Variants in DNAH9 observed in about 807,000 individuals in gnomAD.
The protein encoded by DNAH9 is DNAH9 variant protein.
Under a neutral mutation model 471.6 loss-of-function variants are expected in DNAH9, and 345 were observed. The ratio of observed to expected loss-of-function variants is 0.73; its 90% CI spans 0.67 to 0.80. The LOEUF (loss-of-function observed/expected upper bound fraction) is 0.80. Ranked by LOEUF, DNAH9 falls within the 30% of genes least tolerant of loss-of-function variation. The pLI is 0.00. For synonymous variants in DNAH9, 2,093 were observed against 2,123.6 expected (o/e 0.99, Z 0.40); for missense variants, 5,407 against 5,609.2 (o/e 0.96, Z 1.15).
intron 1 of DNAH9, 67 bp downstream of exon 1, chr17:11,598,982 GACGGAGGCGGGGCCAGA>G: frequency 1.9e-6 from 2 of 1,056,018 alleles, no homozygotes; most frequent in Non-Finnish European, 2.5e-6. Context: ...AGCCTTAAGG[GACGGAGGCGGGGCCAGA>G]GGGGGCGGGG....
intron 57 of DNAH9, among the ~76,000 whole-genome samples, chr17:11,889,808 C>A (rs1972994170): frequency 2.0e-5 from 3 of 152,048 alleles, no homozygotes; most frequent in African/African-American, 7.2e-5. Flanking sequence ...TGGATAAGGG[C>A]CCTACAAAAA....
chr17:11,678,960 C>T (rs1012302816), intron 17 of DNAH9, among the ~76,000 whole-genome samples: 1 of 152,062 alleles, frequency 6.6e-6, no homozygotes, highest in Non-Finnish European at 1.5e-5. Flanking sequence ...AACTGCTCCA[C>T]GTATATCATA....
At chr17:11,818,493 A>G (rs11868210) in intron 45 of DNAH9, among the ~76,000 whole-genome samples, 7,512 of 152,128 alleles carry the variant, frequency 0.049, 627 homozygotes, top group African/African-American at 0.17. Flanking sequence ...TTCTTTCATC[A>G]CTAACATTCC....
chr17:11,718,186 A>T (rs943951843), intron 26 of DNAH9, among the ~76,000 whole-genome samples: 2 of 152,314 alleles, frequency 1.3e-5, no homozygotes, highest in South Asian at 4.1e-4. Context: ...CTGACAACAT[A>T]CAAACTCCCG....
intron 61 of DNAH9, among the ~76,000 whole-genome samples, chr17:11,922,962 A>C (rs1974181099): frequency 6.6e-6 from 1 of 152,232 alleles, no homozygotes; most frequent in Non-Finnish European, 1.5e-5. Flanking sequence ...CAGATAAGAC[A>C]CATAAAGAAT....
rs1468430357 is a variant in DNAH9 at position 11,606,448 on chromosome 17, CTTTTCTTTTTTTTT to C, written c.418-1676_418-1663del. ...AACTTTCTTTCTTTTCTTTTCTTTT[CTTTTCTTTTTTTTT>C]TTTTTGAGACAGAGTCTTGCTCTGT... On this transcript the variant is annotated intron_variant, in intron 1 of 68. Transcript: ENST00000262442. Among the ~76,000 whole-genome samples the C allele has an allele frequency of 9.3e-5, 9 of 97,040 alleles. 1 individual carries two copies. Among genetic ancestry groups the C allele is most frequent in the African/African-American group, 4.0e-4 (9 of 22,702 alleles). The allele number at this position is 97,040 out of a possible 152,430, so 63.7% of individuals were successfully genotyped here.
chr17:11,817,891 A>T (rs536695154), intron 45 of DNAH9, among the ~76,000 whole-genome samples: 109 of 151,904 alleles, frequency 7.2e-4, no homozygotes, highest in Non-Finnish European at 1.4e-3. Context: ...TCATTTTTTT[A>T]TTTCAACCTT....
At position 11,768,657 on chromosome 17, in the gene DNAH9, G is replaced by C. The variant is rs764679224; in HGVS notation, c.7344+31G>C. 7 of 1,603,070 alleles carry C rather than the reference G, an allele frequency of 4.4e-6. No homozygotes were observed. The East Asian group carries it at 1.6e-4, about 36-fold the overall frequency. ...TGCAGCTGAGCAGCCGAGGACGTGC[G>C]TGCAGTTGCCCTCAAGGATCTGCAG... On this transcript the variant is annotated intron_variant, in intron 37 of 68. Coordinates refer to ENST00000262442, the MANE Select transcript of DNAH9 (RefSeq NM_001372.4).
intron 28 of DNAH9, among the ~76,000 whole-genome samples, chr17:11,737,922 C>T (rs1485728387): frequency 6.6e-6 from 1 of 152,170 alleles, no homozygotes; most frequent in Non-Finnish European, 1.5e-5. Context: ...ATGGGTATCC[C>T]TCATGTTAGC....
At chr17:11,659,340 A>G (rs1490273922) in intron 14 of DNAH9, among the ~76,000 whole-genome samples, 1 of 152,186 alleles carries the variant, frequency 6.6e-6, no homozygotes, top group East Asian at 1.9e-4. Context: ...TGCTTGTCTG[A>G]CATAATGTAA....
chr17:11,934,095 G>C (rs1217763114), intron 65 of DNAH9, 24 bp downstream of exon 65: 7 of 1,601,894 alleles, frequency 4.4e-6, no homozygotes, highest in Admixed American at 1.7e-5. Flanking sequence ...CTGTGCTTCT[G>C]ATGTCGTGAG....
chr17:11,834,956 C>T lies in DNAH9; in HGVS notation c.9507+58C>T, dbSNP rs553893526. On this transcript the variant is annotated intron_variant, in intron 49 of 68. Transcript: ENST00000262442. ...CTCAGGGGCTGGTAGACGCAGAGAC[C>T]ACCTTGGCATTCCCAAGAGATGCAA... 15 of 1,571,264 alleles carry T rather than the reference C, an allele frequency of 9.5e-6. No homozygotes were observed. The Admixed American group carries it at 2.1e-4, about 22-fold the overall frequency.
chr17:11,704,058 T>G, intron 24 of DNAH9, 145 bp from the exon 25 acceptor site: 3 of 907,150 alleles, frequency 3.3e-6, no homozygotes, highest in Admixed American at 2.1e-5. Context: ...GAGCATATGG[T>G]TCACTTAGTC....
At chr17:11,676,676 GTTTTA>G (rs2150736868) in intron 17 of DNAH9, among the ~76,000 whole-genome samples, 2 of 151,904 alleles carry the variant, frequency 1.3e-5, no homozygotes, top group South Asian at 4.2e-4. Flanking sequence ...ATTTATTATG[GTTTTA>G]TTTTTATTTC....
At chr17:11,639,410 A>T (rs1487293728) in intron 9 of DNAH9, among the ~76,000 whole-genome samples, 2 of 152,256 alleles carry the variant, frequency 1.3e-5, no homozygotes, top group Non-Finnish European at 1.5e-5. Flanking sequence ...TTCTTTAAAA[A>T]GCGAAACCTC....
intron 61 of DNAH9, among the ~76,000 whole-genome samples, chr17:11,923,575 T>A (rs1161905302): frequency 6.6e-6 from 1 of 152,174 alleles, no homozygotes; most frequent in Non-Finnish European, 1.5e-5. Context: ...CCTCCCAAAG[T>A]GCTGGGATTA....
intron 68 of DNAH9, among the ~76,000 whole-genome samples, chr17:11,967,813 CAA>C (rs964509511): frequency 4.6e-5 from 7 of 151,698 alleles, no homozygotes; most frequent in African/African-American, 1.7e-4. Context: ...CTGTATCAGA[CAA>C]AATAGACTTT....
chr17:11,769,092 C>T lies in DNAH9; in HGVS notation c.7345-30C>T, dbSNP rs531270609. 2.5e-6 allele frequency: 4 copies of T among 1,611,824 alleles called. No homozygotes were observed. In the African/African-American group the frequency reaches 5.3e-5, roughly 21 times the overall value. On this transcript the variant is annotated intron_variant, in intron 37 of 68. Transcript: ENST00000262442. ...CATCTGTTTCTCCCTAGAGCCCACC[C>T]TTGGCAGGCTTATTGTGCTCCCATT...
intron 61 of DNAH9, among the ~76,000 whole-genome samples, chr17:11,909,965 G>T (rs1973738283): frequency 1.3e-5 from 2 of 152,022 alleles, no homozygotes; most frequent in Admixed American, 1.3e-4. Flanking sequence ...CTAAATATTT[G>T]CCTATTCTCG....
Sources: allele counts gnomAD v4.1 joint callset (sites outside exome capture counted in the v4.1 genomes callset), GRCh38; gene constraint gnomAD v4.1.1; transcripts MANE v1.5; gene names NCBI Gene and HGNC (gene_info 2026-07-23, HGNC 2026-07-21).